ARHGAP24: variants seen among roughly 807,000 people sequenced by gnomAD.
The protein encoded by ARHGAP24 is rho GTPase-activating protein 24.
ARHGAP24 carries 50 observed loss-of-function variants against 76.4 expected under a neutral mutation model. That is an observed-to-expected ratio of 0.65 (90% CI 0.52 to 0.83). The LOEUF is 0.83. ARHGAP24 is among the 40% of genes least tolerant of loss of function. The pLI is 0.00. For synonymous variants in ARHGAP24, 345 were observed against 323.3 expected (o/e 1.07, Z -0.72); for missense variants, 930 against 914.2 (o/e 1.02, Z -0.22).
At chr4:85,529,501 C>T (rs1417588030) in intron 1 of ARHGAP24, among the ~76,000 whole-genome samples, 1 of 152,022 alleles carries the variant, frequency 6.6e-6, no homozygotes, top group East Asian at 1.9e-4. Flanking sequence ...GGCTTTTCAA[C>T]ACCATTTAGA....
chr4:85,564,087 T>C (rs1490323992), intron 1 of ARHGAP24, among the ~76,000 whole-genome samples: 1 of 152,202 alleles, frequency 6.6e-6, no homozygotes, highest in Non-Finnish European at 1.5e-5. Flanking sequence ...CTTTGCTTCA[T>C]CAAAGAATGT....
At chr4:85,885,362 T>C (rs1221899078) in intron 3 of ARHGAP24, among the ~76,000 whole-genome samples, 1 of 152,132 alleles carries the variant, frequency 6.6e-6, no homozygotes, top group African/African-American at 2.4e-5. Flanking sequence ...TTTTTAATTG[T>C]GCTTTTCAAC....
chr4:85,887,249 T>G (rs747389261), intron 3 of ARHGAP24, among the ~76,000 whole-genome samples: 23 of 152,166 alleles, frequency 1.5e-4, no homozygotes, highest in Non-Finnish European at 2.5e-4. Flanking sequence ...TTAAAAGGAA[T>G]CCTCTAACAT....
intron 1 of ARHGAP24, among the ~76,000 whole-genome samples, chr4:85,525,047 G>C (rs1724926390): frequency 6.6e-6 from 1 of 152,014 alleles, no homozygotes; most frequent in Admixed American, 6.6e-5. Context: ...ATCCTTATAT[G>C]ATCTCTTAAC....
At chr4:85,828,994 A>G (rs910337617) in intron 3 of ARHGAP24, among the ~76,000 whole-genome samples, 3 of 152,146 alleles carry the variant, frequency 2.0e-5, no homozygotes, top group African/African-American at 7.2e-5. Flanking sequence ...ATGAGGAATA[A>G]TTATGAGGGA....
chr4:85,830,365 G>T (rs1446085154), intron 3 of ARHGAP24, among the ~76,000 whole-genome samples: 3 of 152,296 alleles, frequency 2.0e-5, no homozygotes, highest in Middle Eastern at 3.4e-3. Context: ...TGGCTACCAG[G>T]CAGCAAGGGC....
chr4:85,510,088 G>T (rs1724214875), intron 1 of ARHGAP24, among the ~76,000 whole-genome samples: 1 of 152,174 alleles, frequency 6.6e-6, no homozygotes, highest in Admixed American at 6.5e-5. Flanking sequence ...ATCAAGTATT[G>T]CATGTGATGT....
intron 2 of ARHGAP24, among the ~76,000 whole-genome samples, chr4:85,579,033 T>C (rs538192805): frequency 4.7e-4 from 71 of 152,338 alleles, no homozygotes; most frequent in African/African-American, 1.6e-3. Context: ...CTTTTCTCTT[T>C]GTTTACATTA....
rs1269239092 is a variant in ARHGAP24 at position 86,001,254 on chromosome 4, CTT to C, written c.*534_*535del. The C allele has an allele frequency of 3.3e-5, 13 of 398,838 alleles. No homozygotes were observed. Among genetic ancestry groups the C allele is most frequent in the Non-Finnish European group, 5.3e-5 (12 of 226,098 alleles). 24.7% of individuals were successfully genotyped at this position (398,838 alleles called of 1,614,324 possible). On this transcript the variant is annotated 3_prime_UTR_variant, in exon 10 of 10. Coordinates refer to ENST00000395184, the MANE Select transcript of ARHGAP24 (RefSeq NM_001025616.3). ...TGGCTGTGCTGTTTGTGCCAATAGA[CTT>C]TGTCATGACCAAAAAGAGAAATGTA...
chr4:85,659,823 C>G (rs1218252736), intron 2 of ARHGAP24, among the ~76,000 whole-genome samples: 1 of 152,098 alleles, frequency 6.6e-6, no homozygotes, highest in Non-Finnish European at 1.5e-5. Context: ...TTCATTCCTC[C>G]CCTATTCTGG....
chr4:85,570,395 TTTCTTTCTTTCTTTCTTTCTTTC>T lies in ARHGAP24; in HGVS notation c.-20-126_-20-104del, dbSNP rs1353898640. The T allele has an allele frequency of 7.3e-3, 709 of 97,714 alleles. 8 individuals are homozygous for T. Among genetic ancestry groups the T allele is most frequent in the South Asian group, 0.043 (96 of 2,244 alleles). The allele number at this position is 97,714 out of a possible 1,614,324, so 6.1% of individuals were successfully genotyped here. A position where few individuals can be genotyped will look rare whatever the true frequency, so the allele number is the denominator to read the frequency against. On this transcript the variant is annotated intron_variant, in intron 1 of 9. Coordinates refer to ENST00000395184, the MANE Select transcript of ARHGAP24 (RefSeq NM_001025616.3). ...CTTTCTTTCTTTCTTTCTTTCTTTCTTTCTTTCTTTCTTTCTTTCTTTCCTCTCTCTCTCTCTTTTTTTTTTTC... is the reference window on the plus strand; with the variant it reads ...CTTTCTTTCTTTCTTTCTTTCTTTCTCTCTCTCTCTCTCTTTTTTTTTTTC...
At chr4:85,823,039 A>G (rs546656506) in intron 3 of ARHGAP24, among the ~76,000 whole-genome samples, 2 of 152,322 alleles carry the variant, frequency 1.3e-5, no homozygotes, top group African/African-American at 4.8e-5. Flanking sequence ...ACTTTGTCAA[A>G]AAAACTTCAA....
At chr4:85,901,370 AAAAC>A (rs1426019258) in intron 3 of ARHGAP24, among the ~76,000 whole-genome samples, 5 of 152,114 alleles carry the variant, frequency 3.3e-5, no homozygotes, top group Non-Finnish European at 5.9e-5. Flanking sequence ...CCCAAGAGGG[AAAAC>A]AAACAAACAA....
intron 3 of ARHGAP24, among the ~76,000 whole-genome samples, chr4:85,814,469 T>G (rs1290179713): frequency 6.6e-6 from 1 of 152,184 alleles, no homozygotes; most frequent in East Asian, 1.9e-4. Flanking sequence ...TGGAAGGAAT[T>G]GGCCAAAACA....
Position 85,570,521 on chromosome 4 carries a change from G to A in ARHGAP24, c.-20-1G>A. 1 of 1,612,710 alleles carries A rather than the reference G, an allele frequency of 6.2e-7. No individual in the cohort carries two copies. Among genetic ancestry groups the A allele is most frequent in the African/African-American group, 1.3e-5 (1 of 74,618 alleles). Reference sequence around the variant, plus strand: ...TTCCTTTCTTTTTGTTTGCTAACTAGGAAAGTCCATCAGCTTGATAATGGA... The same window carrying A: ...TTCCTTTCTTTTTGTTTGCTAACTAAGAAAGTCCATCAGCTTGATAATGGA... On this transcript the variant is annotated splice_acceptor_variant, in intron 1 of 9. Coordinates refer to ENST00000395184, the MANE Select transcript of ARHGAP24 (RefSeq NM_001025616.3). LOFTEE classifies it low-confidence loss of function (5UTR_SPLICE).
At chr4:85,944,116 C>T (rs1456623437) in intron 5 of ARHGAP24, among the ~76,000 whole-genome samples, 2 of 152,142 alleles carry the variant, frequency 1.3e-5, no homozygotes, top group African/African-American at 4.8e-5. Flanking sequence ...TCCTCTCCAG[C>T]ATCTGTTGTT....
At chr4:85,576,623 A>G (rs1356733284) in intron 2 of ARHGAP24, among the ~76,000 whole-genome samples, 1 of 152,074 alleles carries the variant, frequency 6.6e-6, no homozygotes, top group Non-Finnish European at 1.5e-5. Context: ...CTTTCTGTGT[A>G]GCATCTGATT....
intron 5 of ARHGAP24, among the ~76,000 whole-genome samples, chr4:85,953,638 A>ATTTT (rs567273059): frequency 6.9e-6 from 1 of 145,624 alleles, no homozygotes; most frequent in Admixed American, 6.9e-5. Context: ...TCCACAGGCG[A>ATTTT]TTTTTTTTTT....
intron 3 of ARHGAP24, among the ~76,000 whole-genome samples, chr4:85,847,103 G>A (rs957066713): frequency 6.6e-6 from 1 of 152,092 alleles, no homozygotes; most frequent in African/African-American, 2.4e-5. Context: ...TGGAATACAT[G>A]CACAAATTCA....
Sources: allele counts gnomAD v4.1 joint callset (sites outside exome capture counted in the v4.1 genomes callset), GRCh38; gene constraint gnomAD v4.1.1; transcripts MANE v1.5; gene names NCBI Gene and HGNC (gene_info 2026-07-23, HGNC 2026-07-21).